ARSG: variants seen among roughly 807,000 people sequenced by gnomAD.
ARSG encodes the protein ASG.
Under a neutral mutation model 50.5 loss-of-function variants are expected in ARSG, and 37 were observed. The observed-to-expected ratio is 0.73, with a 90% CI of 0.56 to 0.96. The LOEUF is 0.96. ARSG is among the 50% of genes least tolerant of loss of function. The pLI is 0.00. For synonymous variants in ARSG, 225 were observed against 254.6 expected, an observed-to-expected ratio of 0.88 and a Z score of 1.11; for missense variants, 629 against 675.3, an observed-to-expected ratio of 0.93 and a Z score of 0.76.
chr17:68,439,032 G>C, the ARSG span, among the ~76,000 whole-genome samples: 1 of 152,192 alleles, frequency 6.6e-6, no homozygotes, highest in Non-Finnish European at 1.5e-5. Flanking sequence ...CTTATGCACC[G>C]CTGGTGGGAA....
intron 6 of ARSG, among the ~76,000 whole-genome samples, chr17:68,366,903 C>T (rs977622209): frequency 6.6e-6 from 1 of 152,202 alleles, no homozygotes; most frequent in Middle Eastern, 3.4e-3. Flanking sequence ...AGTTTTTCTT[C>T]CCCGCAGTGC....
At chr17:68,346,740 C>T in intron 3 of ARSG, 1 of 1,279,098 alleles carries the variant, frequency 7.8e-7, no homozygotes. Flanking sequence ...TGGGGCGGTG[C>T]ACCTGCACCC....
chr17:68,413,712 C>G (rs1463365864), intron 11 of ARSG: 3 of 159,898 alleles, frequency 1.9e-5, no homozygotes, highest in Non-Finnish European at 2.7e-5. Context: ...CCTCCCCCAG[C>G]CTCGCTGCCG....
intron 8 of ARSG, among the ~76,000 whole-genome samples, chr17:68,376,995 G>A (rs2146881696): frequency 6.6e-6 from 1 of 152,198 alleles, no homozygotes; most frequent in South Asian, 2.1e-4. Flanking sequence ...GAGTAGCTGG[G>A]ATTACAGACG....
chr17:68,330,337 G>A (rs1020249909), intron 2 of ARSG, among the ~76,000 whole-genome samples: 1 of 152,308 alleles, frequency 6.6e-6, no homozygotes, highest in South Asian at 2.1e-4. Context: ...TAGCTGGGGA[G>A]ACTGTATATT....
At chr17:68,304,681 T>G (rs1367042078) in intron 1 of ARSG, among the ~76,000 whole-genome samples, 2 of 152,190 alleles carry the variant, frequency 1.3e-5, no homozygotes, top group Admixed American at 6.5e-5. Context: ...GAAGCTTTGT[T>G]GTTGTTGTTG....
At chr17:68,436,972 C>CTACA in the ARSG span, among the ~76,000 whole-genome samples, 2 of 142,526 alleles carry the variant, frequency 1.4e-5, no homozygotes, top group African/African-American at 2.8e-5. Context: ...CCAGCCTGGG[C>CTACA]TACAGAGTGA....
At chr17:68,328,932 C>T (rs2077613004) in intron 2 of ARSG, among the ~76,000 whole-genome samples, 1 of 152,142 alleles carries the variant, frequency 6.6e-6, no homozygotes, top group South Asian at 2.1e-4. Flanking sequence ...GAATTACACC[C>T]CAGGGCAGTG....
chr17:68,329,146 C>G (rs772466618), intron 2 of ARSG, among the ~76,000 whole-genome samples: 1 of 152,184 alleles, frequency 6.6e-6, no homozygotes, highest in Non-Finnish European at 1.5e-5. Context: ...TCCAGCTGAC[C>G]AAGAGGGGCC....
At chr17:68,355,728 C>A (rs946388788) in intron 5 of ARSG, among the ~76,000 whole-genome samples, 2 of 151,806 alleles carry the variant, frequency 1.3e-5, no homozygotes, top group Admixed American at 1.3e-4. Flanking sequence ...AGGCGTGAGC[C>A]ACGGCGTCTG....
At chr17:68,345,441 G>A (rs1038973050) in intron 3 of ARSG, among the ~76,000 whole-genome samples, 5 of 152,256 alleles carry the variant, frequency 3.3e-5, no homozygotes, top group African/African-American at 7.2e-5. Context: ...TGGCCCCTCC[G>A]TCTTCATGCC....
chr17:68,259,214 C>G (rs1285016988), exon 1 of ARSG: 5 of 152,222 alleles, frequency 3.3e-5, no homozygotes, highest in African/African-American at 1.2e-4. Context: ...CCAGCAGCTG[C>G]GAACCGCCGG....
At chr17:68,380,210 C>T (rs1484119815) in intron 8 of ARSG, among the ~76,000 whole-genome samples, 1 of 148,808 alleles carries the variant, frequency 6.7e-6, no homozygotes, top group African/African-American at 2.5e-5. Flanking sequence ...ACCTTCCTTC[C>T]TCCTTCCTTC....
chr17:68,266,743 G>A (rs1309222638), intron 1 of ARSG, among the ~76,000 whole-genome samples: 22 of 151,722 alleles, frequency 1.5e-4, no homozygotes, highest in Admixed American at 9.9e-4. Context: ...CCTGGGAGGC[G>A]GAGGTTGCAG....
chr17:68,382,853 A>C (rs1472873133), intron 8 of ARSG, among the ~76,000 whole-genome samples: 1 of 152,194 alleles, frequency 6.6e-6, no homozygotes, highest in Admixed American at 6.5e-5. Flanking sequence ...TGGCATATAT[A>C]ATTGTGTCTT....
downstream of ARSG, chr17:68,421,995 T>C (rs1243695211): frequency 1.4e-6 from 1 of 690,348 alleles, no homozygotes; most frequent in African/African-American, 1.8e-5. Flanking sequence ...TATTTAGGTG[T>C]AGACAAGTAT....
intron 8 of ARSG, among the ~76,000 whole-genome samples, chr17:68,374,159 A>AC (rs2080018617): frequency 2.3e-5 from 3 of 130,504 alleles, no homozygotes; most frequent in Non-Finnish European, 4.9e-5. Flanking sequence ...TCTGTCTCCA[A>AC]AAAAAAAAAA....
rs2076639276 is a variant in ARSG, at chr17:68,307,179, A to G, written c.-315A>G. 3.2e-6 allele frequency: 1 copy of G among 308,172 alleles called. No homozygotes were observed. Among genetic ancestry groups the G allele is most frequent in the Admixed American group, 4.7e-5 (1 of 21,186 alleles). 19.1% of individuals were successfully genotyped at this position (308,172 alleles called of 1,614,324 possible). A position where few individuals can be genotyped will look rare whatever the true frequency, so the allele number is the denominator to read the frequency against. Reference sequence around the variant, plus strand: ...CAGTTGTTGACATTGATGTCTAATTATTGAACACGACCAGTCATTTTACTG... The same window carrying G: ...CAGTTGTTGACATTGATGTCTAATTGTTGAACACGACCAGTCATTTTACTG... On this transcript the variant is annotated 5_prime_UTR_variant, in exon 2 of 12. Transcript: ENST00000621439.
chr17:68,308,537 C>T (rs528349123), intron 2 of ARSG, among the ~76,000 whole-genome samples: 93 of 152,264 alleles, frequency 6.1e-4, no homozygotes, highest in African/African-American at 2.2e-3. Flanking sequence ...CTCATAAAAG[C>T]AGTGTGGACC....
Sources: allele counts gnomAD v4.1 joint callset (sites outside exome capture counted in the v4.1 genomes callset), GRCh38; gene constraint gnomAD v4.1.1; transcripts MANE v1.5; gene names NCBI Gene and HGNC (gene_info 2026-07-23, HGNC 2026-07-21).